Variants in USP48 observed in about 807,000 individuals in gnomAD.
USP48 encodes ubiquitin carboxyl-terminal hydrolase 48.
Under a neutral mutation model 150.7 loss-of-function variants are expected in USP48, and 43 were observed. That is an observed-to-expected ratio of 0.29 (90% CI 0.22 to 0.37). The LOEUF is 0.37. Ranked by LOEUF, USP48 falls within the 10% of genes least tolerant of loss-of-function variation. The pLI is 1.00. For synonymous variants in USP48, 396 were observed against 425.9 expected (o/e 0.93, Z 0.86); for missense variants, 813 against 1,249.6 (o/e 0.65, Z 5.27).
chr1:21,685,593 G>C (rs907829958), intron 25 of USP48, among the ~76,000 whole-genome samples: 2 of 152,170 alleles, frequency 1.3e-5, no homozygotes, highest in African/African-American at 4.8e-5. Flanking sequence ...GGGATTACAG[G>C]CATGAGCCAC....
rs969013598 is a variant in USP48, at chr1:21,700,006, A to C, written c.2727+1492T>G. ...CATGTCTGCAAACGCTTGTGGAGAC[A>C]TATTAGTAGAGTCAACTAATATGTC... On this transcript the variant is annotated intron_variant, in intron 22 of 26. Coordinates refer to ENST00000308271, the MANE Select transcript of USP48 (RefSeq NM_032236.8). Among the ~76,000 whole-genome samples, 3 of 147,594 alleles carry C rather than the reference A, an allele frequency of 2.0e-5. No homozygotes were observed. In the South Asian group the frequency reaches 6.7e-4, roughly 33 times the overall value.
At chr1:21,710,559 T>G (rs1171057122) in intron 15 of USP48, among the ~76,000 whole-genome samples, 2 of 152,208 alleles carry the variant, frequency 1.3e-5, no homozygotes, top group Non-Finnish European at 2.9e-5. Context: ...AAGCTTGTTA[T>G]ATAATATCTG....
At chr1:21,758,554 G>A (rs1260513637) in intron 1 of USP48, among the ~76,000 whole-genome samples, 1 of 151,968 alleles carries the variant, frequency 6.6e-6, no homozygotes, top group East Asian at 1.9e-4. Context: ...ACAAGGTCAG[G>A]AGTTCGAGAC....
chr1:21,764,317 T>C (rs1221390695), intron 1 of USP48, among the ~76,000 whole-genome samples: 1 of 151,956 alleles, frequency 6.6e-6, no homozygotes, highest in Non-Finnish European at 1.5e-5. Context: ...CATATGCCTA[T>C]AGTCCCAGCT....
At chr1:21,779,121 C>T (rs1410616873) in intron 1 of USP48, among the ~76,000 whole-genome samples, 1 of 152,028 alleles carries the variant, frequency 6.6e-6, no homozygotes. Context: ...TGGCATGTGC[C>T]TGTAGTGGCA....
At chr1:21,762,136 G>A (rs746361932) in intron 1 of USP48, among the ~76,000 whole-genome samples, 19 of 152,106 alleles carry the variant, frequency 1.2e-4, no homozygotes, top group Non-Finnish European at 2.4e-4. Context: ...GCGTGGTGGC[G>A]TGTGCCTATA....
chr1:21,781,641 G>T (rs1298263239), intron 1 of USP48, among the ~76,000 whole-genome samples: 3 of 152,226 alleles, frequency 2.0e-5, no homozygotes, highest in African/African-American at 7.2e-5. Flanking sequence ...GGCCGAGGTG[G>T]GAGGATCGCT....
intron 8 of USP48, among the ~76,000 whole-genome samples, chr1:21,741,274 AAAG>A (rs1482418056): frequency 6.6e-6 from 1 of 152,240 alleles, no homozygotes; most frequent in African/African-American, 2.4e-5. Flanking sequence ...TACCAAAACC[AAAG>A]AAGAGGTCTT....
At chr1:21,776,918 G>A (rs2097900815) in intron 1 of USP48, among the ~76,000 whole-genome samples, 2 of 150,976 alleles carry the variant, frequency 1.3e-5, no homozygotes, top group South Asian at 2.1e-4. Context: ...CTGCACTCCA[G>A]CCTGGGCAAC....
intron 1 of USP48, among the ~76,000 whole-genome samples, chr1:21,762,946 C>G (rs2097853534): frequency 6.6e-6 from 1 of 151,010 alleles, no homozygotes; most frequent in African/African-American, 2.4e-5. Context: ...AGACATCATT[C>G]TCAGAAAATA....
At chr1:21,728,846 G>T in intron 10 of USP48, 127 bp from the exon 11 acceptor site, 1 of 1,172,750 alleles carries the variant, frequency 8.5e-7, no homozygotes, top group Non-Finnish European at 1.2e-6. Flanking sequence ...TGGTCTCCCT[G>T]TCTGCTAGAA....
At chr1:21,687,057 T>C in intron 25 of USP48, 134 bp downstream of exon 25, 6 of 801,736 alleles carry the variant, frequency 7.5e-6, no homozygotes, top group Non-Finnish European at 1.2e-5. Context: ...AGATAATGTA[T>C]TCTACTGTAA....
intron 15 of USP48, 76 bp downstream of exon 15, chr1:21,715,313 C>CTT: frequency 8.7e-7 from 1 of 1,147,962 alleles, no homozygotes; most frequent in Non-Finnish European, 1.3e-6. Flanking sequence ...GAGATACTGG[C>CTT]ATGAAAGCCA....
At chr1:21,685,782 T>TA (rs779316854) in intron 25 of USP48, 2 of 152,240 alleles carry the variant, frequency 1.3e-5, no homozygotes, top group African/African-American at 2.4e-5. Context: ...ATCAGTTGTT[T>TA]AAGAGTGTTT....
chr1:21,703,625 G>C lies in USP48; in HGVS notation c.2516-7C>G. The C allele has an allele frequency of 1.9e-6, 3 of 1,578,948 alleles. No individual in the cohort carries two copies. Among genetic ancestry groups the C allele is most frequent in the African/African-American group, 1.4e-5 (1 of 72,708 alleles). ...CTGCATTCTGGACAGAGTTCTTTGG[G>C]GGAAAAAAAAAAAGGGAAAACAGAA... is the stretch of plus-strand genomic sequence containing the variant. On this transcript the variant is annotated splice_region_variant and splice_polypyrimidine_tract_variant and intron_variant, in intron 20 of 26. Coordinates refer to ENST00000308271, the MANE Select transcript of USP48 (RefSeq NM_032236.8).
chr1:21,715,463 CA>C lies in USP48; in HGVS notation c.1895-7del, dbSNP rs750885215. 15 of 1,543,264 alleles carry C rather than the reference CA, an allele frequency of 9.7e-6. No homozygotes were observed. In the Admixed American group the frequency reaches 2.6e-4, roughly 26 times the overall value. ...TCTTTCTTCCTTTGATTCATCTAATCAAAAGAAATACAAATGATATCTGCTG... is the reference window on the plus strand; with the variant it reads ...TCTTTCTTCCTTTGATTCATCTAATCAAAGAAATACAAATGATATCTGCTG... On this transcript the variant is annotated splice_region_variant and splice_polypyrimidine_tract_variant and intron_variant, in intron 14 of 26. Coordinates refer to ENST00000308271, the MANE Select transcript of USP48 (RefSeq NM_032236.8).
intron 1 of USP48, among the ~76,000 whole-genome samples, chr1:21,759,970 A>C (rs2097846191): frequency 6.6e-6 from 1 of 152,218 alleles, no homozygotes; most frequent in Non-Finnish European, 1.5e-5. Flanking sequence ...CTTTCAGTGG[A>C]GAAACTTGAC....
At chr1:21,724,589 A>C (rs2097731235) in intron 11 of USP48, 1 of 163,926 alleles carries the variant, frequency 6.1e-6, no homozygotes, top group Non-Finnish European at 1.3e-5. Context: ...ACCGACTATG[A>C]CCACACTTCA....
chr1:21,679,577 G>T, intron 26 of USP48, 138 bp from the exon 27 acceptor site: 3 of 1,062,748 alleles, frequency 2.8e-6, no homozygotes, highest in African/African-American at 1.6e-5. Context: ...GGTGTGGGAG[G>T]ATAAGACAAA....
Sources: allele counts gnomAD v4.1 joint callset (sites outside exome capture counted in the v4.1 genomes callset), GRCh38; gene constraint gnomAD v4.1.1; transcripts MANE v1.5; gene names NCBI Gene and HGNC (gene_info 2026-07-23, HGNC 2026-07-21).